KHDC1: variants seen among roughly 807,000 people sequenced by gnomAD.
The protein encoded by KHDC1 is KH homology domain-containing protein 1.
KHDC1 carries 21 observed loss-of-function variants against 24.7 expected under a neutral mutation model. The observed-to-expected ratio is 0.85, with a 90% CI of 0.60 to 1.23. The LOEUF (loss-of-function observed/expected upper bound fraction) is 1.23, where lower values mean the gene tolerates loss of function less well. Ranked by LOEUF, KHDC1 falls within the 50% of genes most tolerant of loss-of-function variation. The pLI, the probability that KHDC1 is intolerant of heterozygous loss-of-function variation, is 0.00. For synonymous variants in KHDC1, 98 were observed against 111.7 expected (o/e 0.88, Z 0.77); for missense variants, 274 against 298.5 (o/e 0.92, Z 0.61).
chr6:73,261,152 A>G (rs1480312048), intron 2 of KHDC1, among the ~76,000 whole-genome samples: 1 of 152,232 alleles, frequency 6.6e-6, no homozygotes, highest in Non-Finnish European at 1.5e-5. Context: ...TGTGGTGATT[A>G]GAAGCATAGG....
rs188195753 is a variant in KHDC1 at position 73,292,576 on chromosome 6, C to T, written c.164-536G>A. ...ATAATAATTCTGTGAGTTCTCCACTCCAGTCTCTTCAGCAGAGAGCATGGC... is the reference window on the plus strand; with the variant it reads ...ATAATAATTCTGTGAGTTCTCCACTTCAGTCTCTTCAGCAGAGAGCATGGC... On this transcript the variant is annotated intron_variant, in intron 1 of 4. Transcript: ENST00000370384. The T allele has an allele frequency of 7.4e-5, 57 of 765,510 alleles. 4 individuals carry two copies. The African/African-American group carries it at 9.0e-4, about 12-fold the overall frequency. 47.4% of individuals were successfully genotyped at this position (765,510 alleles called of 1,614,324 possible). A position where few individuals can be genotyped will look rare whatever the true frequency, so the allele number is the denominator to read the frequency against.
Position 73,298,423 on chromosome 6 carries a change from A to ATTTTTTTTT in KHDC1, c.164-6392_164-6384dup, listed in dbSNP as rs370446904. Among the ~76,000 whole-genome samples, 20 of 59,976 alleles carry ATTTTTTTTT rather than the reference A, an allele frequency of 3.3e-4. 1 individual carries two copies. Among genetic ancestry groups the ATTTTTTTTT allele is most frequent in the African/African-American group, 1.4e-3 (19 of 13,292 alleles). The allele number at this position is 59,976 out of a possible 152,430, so 39.3% of individuals were successfully genotyped here. On this transcript the variant is annotated intron_variant, in intron 1 of 4. Transcript: ENST00000370384. ...CCTGGAAGGACTCTATACTTTGCAAATTTTTTTTTTTTTTTTTTTTTTTTT... is the reference window on the plus strand; with the variant it reads ...CCTGGAAGGACTCTATACTTTGCAAATTTTTTTTTTTTTTTTTTTTTTTTTTTTTTTTTT...
intron 2 of KHDC1, among the ~76,000 whole-genome samples, chr6:73,288,904 G>A (rs970276217): frequency 7.3e-5 from 11 of 151,644 alleles, no homozygotes; most frequent in African/African-American, 2.2e-4. Flanking sequence ...CCTAGTAGAC[G>A]GTCTTAAAGT....
chr6:73,293,612 T>G lies in KHDC1; in HGVS notation c.164-1572A>C, dbSNP rs573224943. Among the ~76,000 whole-genome samples, 161 of 152,146 alleles carry G rather than the reference T, an allele frequency of 1.1e-3. 2 individuals carry two copies. The highest frequency in any genetic ancestry group is 3.7e-3 in the African/African-American group (153 of 41,516). On this transcript the variant is annotated intron_variant, in intron 1 of 4. Transcript: ENST00000370384. The stretch of plus-strand genomic sequence containing the variant: ...CTGGCCAACATGGCAAAACCCCATC[T>G]CTACAAAAAATTAGCAAAGCATGGT...
chr6:73,244,099 A>G (rs1766622762), intron 2 of KHDC1, among the ~76,000 whole-genome samples: 2 of 152,336 alleles, frequency 1.3e-5, no homozygotes, highest in South Asian at 4.1e-4. Flanking sequence ...CTTTCTCAGA[A>G]AAACATCATT....
chr6:73,298,391 C>A (rs1035423406), intron 1 of KHDC1, among the ~76,000 whole-genome samples: 1 of 148,512 alleles, frequency 6.7e-6, no homozygotes, highest in Non-Finnish European at 1.5e-5. Flanking sequence ...ATAGACTAAG[C>A]TGTTGCCCTG....
chr6:73,267,240 G>A (rs779185627), intron 2 of KHDC1, among the ~76,000 whole-genome samples: 5 of 152,146 alleles, frequency 3.3e-5, no homozygotes, highest in Non-Finnish European at 7.3e-5. Context: ...AGCACTCTAG[G>A]AGGCCAAGGC....
intron 2 of KHDC1, among the ~76,000 whole-genome samples, chr6:73,283,113 A>G (rs1029177122): frequency 3.9e-5 from 6 of 152,166 alleles, no homozygotes; most frequent in Non-Finnish European, 7.4e-5. Context: ...TCTCCACTGT[A>G]AAGTTACTCA....
chr6:73,251,821 A>G (rs1766782081), intron 2 of KHDC1, among the ~76,000 whole-genome samples: 1 of 146,598 alleles, frequency 6.8e-6, no homozygotes, highest in African/African-American at 2.5e-5. Flanking sequence ...TTAATGAGAC[A>G]GGGTGTCGTT....
At chr6:73,278,753 T>C (rs1329220973) in intron 2 of KHDC1, among the ~76,000 whole-genome samples, 1 of 152,234 alleles carries the variant, frequency 6.6e-6, no homozygotes, top group Admixed American at 6.5e-5. Context: ...TATCATGGTA[T>C]GTATGCATAG....
At chr6:73,246,955 A>G (rs1385210713) in intron 2 of KHDC1, among the ~76,000 whole-genome samples, 2 of 148,176 alleles carry the variant, frequency 1.3e-5, no homozygotes, top group Non-Finnish European at 3.0e-5. Context: ...GAATTTTAGA[A>G]AAAAAAAAAT....
chr6:73,252,974 T>G (rs1766808106), intron 2 of KHDC1, among the ~76,000 whole-genome samples: 1 of 152,218 alleles, frequency 6.6e-6, no homozygotes, highest in African/African-American at 2.4e-5. Flanking sequence ...TCCTTTTGGT[T>G]TTTTAAACTA....
chr6:73,272,783 A>C, intron 2 of KHDC1, among the ~76,000 whole-genome samples: 2 of 147,020 alleles, frequency 1.4e-5, no homozygotes, highest in Non-Finnish European at 1.5e-5. Flanking sequence ...CCCGGGGGGG[A>C]AAAGAAAAAA....
chr6:73,259,103 C>CAAT (rs573400327), intron 2 of KHDC1, among the ~76,000 whole-genome samples: 1 of 152,084 alleles, frequency 6.6e-6, no homozygotes, highest in Non-Finnish European at 1.5e-5. Flanking sequence ...ACCACCAGGG[C>CAAT]AATACTGGGA....
intron 2 of KHDC1, among the ~76,000 whole-genome samples, chr6:73,253,228 T>G (rs1380572100): frequency 6.6e-6 from 1 of 152,158 alleles, no homozygotes; most frequent in Non-Finnish European, 1.5e-5. Flanking sequence ...AAAAGGCGGA[T>G]TACTCAATCA....
At chr6:73,283,935 A>G (rs535401946) in intron 2 of KHDC1, among the ~76,000 whole-genome samples, 3 of 152,094 alleles carry the variant, frequency 2.0e-5, no homozygotes, top group Non-Finnish European at 2.9e-5. Flanking sequence ...CCTCTCCAGC[A>G]CATTGAAACC....
At chr6:73,288,304 A>G (rs1214004713) in intron 2 of KHDC1, among the ~76,000 whole-genome samples, 2 of 152,172 alleles carry the variant, frequency 1.3e-5, no homozygotes, top group Non-Finnish European at 2.9e-5. Flanking sequence ...ATTCTCTTCC[A>G]TCCCTATCAG....
At chr6:73,277,756 G>A (rs1266310912) in intron 2 of KHDC1, among the ~76,000 whole-genome samples, 5 of 151,808 alleles carry the variant, frequency 3.3e-5, no homozygotes, top group Non-Finnish European at 7.4e-5. Flanking sequence ...AGAGGTAGCA[G>A]TAGGTGGGAC....
At chr6:73,248,834 T>C (rs1202323565) in intron 2 of KHDC1, among the ~76,000 whole-genome samples, 4 of 152,056 alleles carry the variant, frequency 2.6e-5, no homozygotes, top group Non-Finnish European at 5.9e-5. Flanking sequence ...TATTTGGTAT[T>C]GCGTATCAGT....
Sources: allele counts gnomAD v4.1 joint callset (sites outside exome capture counted in the v4.1 genomes callset), GRCh38; gene constraint gnomAD v4.1.1; transcripts MANE v1.5; gene names NCBI Gene and HGNC (gene_info 2026-07-23, HGNC 2026-07-21).